Variants in LYPLAL1 observed in about 807,000 individuals in gnomAD.
LYPLAL1 encodes the protein lysophospholipase-like protein 1.
Under a neutral mutation model 19.7 loss-of-function variants are expected in LYPLAL1, and 23 were observed. The observed-to-expected ratio is 1.17, with a 90% confidence interval of 0.84 to 1.65. The LOEUF (loss-of-function observed/expected upper bound fraction) is 1.65, where lower values mean the gene tolerates loss of function less well. Ranked by LOEUF, LYPLAL1 falls within the 40% of genes most tolerant of loss-of-function variation. The pLI is 0.00. For missense variants in LYPLAL1, 355 were observed against 279.4 expected, an observed-to-expected ratio of 1.27 and a Z score of -1.93; for synonymous variants, 119 against 96.3, an observed-to-expected ratio of 1.24 and a Z score of -1.38.
chr1:219,347,889 A>T, the LYPLAL1 span, among the ~76,000 whole-genome samples: 8 of 152,038 alleles, frequency 5.3e-5, no homozygotes, highest in African/African-American at 1.7e-4. Flanking sequence ...CAGGCCCTTG[A>T]GCTCCCCCAC....
At chr1:219,246,278 G>A in the LYPLAL1 span, among the ~76,000 whole-genome samples, 1 of 152,072 alleles carries the variant, frequency 6.6e-6, no homozygotes, top group Non-Finnish European at 1.5e-5. Flanking sequence ...TTATTCTCTA[G>A]TGATACTGCA....
the LYPLAL1 span, among the ~76,000 whole-genome samples, chr1:219,245,718 G>A: frequency 6.6e-6 from 1 of 152,192 alleles, no homozygotes; most frequent in Non-Finnish European, 1.5e-5. Context: ...GTTATTTTAT[G>A]CTTTATCTCT....
chr1:219,236,035 G>A, the LYPLAL1 span, among the ~76,000 whole-genome samples: 1 of 152,170 alleles, frequency 6.6e-6, no homozygotes, highest in Non-Finnish European at 1.5e-5. Flanking sequence ...GGAATAATAG[G>A]AGCATGTAAT....
the LYPLAL1 span, among the ~76,000 whole-genome samples, chr1:219,290,637 C>G: frequency 6.6e-6 from 1 of 152,148 alleles, no homozygotes; most frequent in Non-Finnish European, 1.5e-5. Context: ...CCTCCTCTTA[C>G]TTTCGGGAAT....
At chr1:219,378,441 A>C in the LYPLAL1 span, among the ~76,000 whole-genome samples, 1 of 152,178 alleles carries the variant, frequency 6.6e-6, no homozygotes, top group Non-Finnish European at 1.5e-5. Context: ...CCCATGATTA[A>C]ATTACCTCCC....
chr1:219,179,733 G>T (rs1179755601), intron 2 of LYPLAL1, among the ~76,000 whole-genome samples: 1 of 152,202 alleles, frequency 6.6e-6, no homozygotes, highest in African/African-American at 2.4e-5. Context: ...TAGGAAGATA[G>T]AATTGACTAC....
the LYPLAL1 span, among the ~76,000 whole-genome samples, chr1:219,318,750 G>A: frequency 6.6e-6 from 1 of 152,168 alleles, no homozygotes; most frequent in Non-Finnish European, 1.5e-5. Context: ...AGTCTTGGGA[G>A]CTCTCATTCC....
chr1:219,419,542 T>C, the LYPLAL1 span, among the ~76,000 whole-genome samples: 2 of 98,606 alleles, frequency 2.0e-5, no homozygotes, highest in African/African-American at 7.4e-5. Context: ...TTCTGAGCCC[T>C]AGCCCAACAC....
chr1:219,283,296 G>A, the LYPLAL1 span, among the ~76,000 whole-genome samples: 1 of 152,134 alleles, frequency 6.6e-6, no homozygotes, highest in Non-Finnish European at 1.5e-5. Context: ...GAAAATCCGG[G>A]TGTAACTTTA....
chr1:219,320,725 A>G, the LYPLAL1 span, among the ~76,000 whole-genome samples: 1 of 152,116 alleles, frequency 6.6e-6, no homozygotes, highest in African/African-American at 2.4e-5. Context: ...TTTGCTGAGA[A>G]TGATGGTTTC....
At chr1:219,352,643 C>T in the LYPLAL1 span, among the ~76,000 whole-genome samples, 3 of 152,172 alleles carry the variant, frequency 2.0e-5, no homozygotes, top group Admixed American at 2.0e-4. Context: ...TAGTACTTTT[C>T]CTTTCTTCAA....
chr1:219,237,382 ACT>A, the LYPLAL1 span, among the ~76,000 whole-genome samples: 6 of 152,166 alleles, frequency 3.9e-5, no homozygotes, highest in African/African-American at 1.2e-4. Context: ...AAAGACTCAG[ACT>A]CTGTGTGTGG....
chr1:219,348,946 A>G, the LYPLAL1 span, among the ~76,000 whole-genome samples: 1 of 152,220 alleles, frequency 6.6e-6, no homozygotes, highest in African/African-American at 2.4e-5. Flanking sequence ...AATCTCTACT[A>G]TCACCATCTC....
the LYPLAL1 span, among the ~76,000 whole-genome samples, chr1:219,311,863 G>A: frequency 6.6e-6 from 1 of 152,036 alleles, no homozygotes; most frequent in Non-Finnish European, 1.5e-5. Context: ...TAAATACATA[G>A]AATGCTTTTA....
At chr1:219,417,866 A>G in the LYPLAL1 span, among the ~76,000 whole-genome samples, 5 of 152,258 alleles carry the variant, frequency 3.3e-5, no homozygotes, top group African/African-American at 1.2e-4. Context: ...GGCTACTGCC[A>G]TGGGGCAGTG....
the LYPLAL1 span, among the ~76,000 whole-genome samples, chr1:219,368,127 A>G: frequency 6.6e-6 from 1 of 152,172 alleles, no homozygotes; most frequent in African/African-American, 2.4e-5. Flanking sequence ...TTGACAAGGA[A>G]GGTATTCTTT....
the LYPLAL1 span, among the ~76,000 whole-genome samples, chr1:219,235,034 A>G: frequency 1.3e-5 from 2 of 152,176 alleles, no homozygotes; most frequent in Non-Finnish European, 1.5e-5. Flanking sequence ...CTGGCTTACT[A>G]TGTATATCTT....
chr1:219,317,540 A>G, the LYPLAL1 span, among the ~76,000 whole-genome samples: 1 of 152,208 alleles, frequency 6.6e-6, no homozygotes, highest in Non-Finnish European at 1.5e-5. Context: ...AGTTATATAT[A>G]TGAACCCTGA....
the LYPLAL1 span, among the ~76,000 whole-genome samples, chr1:219,428,573 C>T: frequency 2.6e-5 from 4 of 152,118 alleles, no homozygotes; most frequent in African/African-American, 9.7e-5. Flanking sequence ...CCTTAAAGAG[C>T]TTACAATTTA....
Sources: allele counts gnomAD v4.1 joint callset (sites outside exome capture counted in the v4.1 genomes callset), GRCh38; gene constraint gnomAD v4.1.1; transcripts MANE v1.5; gene names NCBI Gene and HGNC (gene_info 2026-07-23, HGNC 2026-07-21).